The following IQCH variants were observed in gnomAD, a reference collection of about 807,000 sequenced individuals.
IQCH encodes the protein IQ motif containing H, also known as IQ domain-containing protein H.
IQCH carries 98 observed loss-of-function variants against 117.0 expected under a neutral mutation model. The observed-to-expected ratio is 0.84, with a 90% confidence interval of 0.71 to 0.99. IQCH has a LOEUF of 0.99. Ranked by LOEUF, IQCH falls within the 50% of genes least tolerant of loss-of-function variation. IQCH has a pLI of 0.00. For missense variants in IQCH, 1,102 were observed against 1,243.8 expected (o/e 0.89, Z 1.72); for synonymous variants, 412 against 448.2 (o/e 0.92, Z 1.02).
rs562245515 is a variant in IQCH, at chr15:67,501,271, C to T, written c.*525C>T. On this transcript the variant is annotated 3_prime_UTR_variant, in exon 21 of 21. Coordinates refer to ENST00000335894, the MANE Select transcript of IQCH (RefSeq NM_001031715.3). This position sits in a 1 kb window ranked among gnomAD's most constrained non-coding sequence, Gnocchi z 5.2. Reference sequence around the variant, plus strand: ...GAATTTTTAAGTGACTATCATTCATCGTGTTTTTGTTATACCAAGCCACTA... The same window carrying T: ...GAATTTTTAAGTGACTATCATTCATTGTGTTTTTGTTATACCAAGCCACTA... 1 of 152,104 alleles carries T rather than the reference C, an allele frequency of 6.6e-6. No homozygotes were observed. The highest frequency in any genetic ancestry group is 6.6e-5 in the Admixed American group (1 of 15,262). The allele number at this position is 152,104 out of a possible 1,614,324, so 9.4% of individuals were successfully genotyped here.
intron 14 of IQCH, among the ~76,000 whole-genome samples, chr15:67,412,599 A>G (rs1006567982): frequency 6.6e-6 from 1 of 151,932 alleles, no homozygotes; most frequent in Non-Finnish European, 1.5e-5. Context: ...GGGTTTCACC[A>G]TGTTGGTCAA....
rs149358450 is a variant in IQCH at position 67,346,172 on chromosome 15, G to A, written c.637+1981G>A. On this transcript the variant is annotated intron_variant, in intron 6 of 20. Coordinates refer to ENST00000335894, the MANE Select transcript of IQCH (RefSeq NM_001031715.3). Reference sequence around the variant, plus strand: ...TAAAGAGGCACATTAATGATAAAAGGATCAATCCAGCAAGAAGACATACAT... The same window carrying A: ...TAAAGAGGCACATTAATGATAAAAGAATCAATCCAGCAAGAAGACATACAT... 8.7e-3 allele frequency among the ~76,000 whole-genome samples: 1,326 copies of A among 152,174 alleles called. 17 individuals are homozygous for A. The highest frequency in any genetic ancestry group is 0.029 in the African/African-American group (1,200 of 41,524).
At chr15:67,495,702 T>C (rs2083786711) in intron 20 of IQCH, among the ~76,000 whole-genome samples, 1 of 152,232 alleles carries the variant, frequency 6.6e-6, no homozygotes, top group Admixed American at 6.5e-5. Context: ...GTCAACCACC[T>C]TTGACAAAAT....
chr15:67,305,682 A>G (rs1206974813), intron 4 of IQCH, among the ~76,000 whole-genome samples: 1 of 152,096 alleles, frequency 6.6e-6, no homozygotes, highest in African/African-American at 2.4e-5. Flanking sequence ...TTGTAGCCCG[A>G]GGCAACTGCT....
intron 17 of IQCH, among the ~76,000 whole-genome samples, chr15:67,470,302 C>T (rs544791416): frequency 4.6e-5 from 7 of 152,266 alleles, no homozygotes; most frequent in East Asian, 1.9e-4. Flanking sequence ...CTCAGCCTCC[C>T]GAGTAGCTGG....
At position 67,472,368 on chromosome 15, in the gene IQCH, G is replaced by A. The variant is rs913415720; in HGVS notation, c.2677-3328G>A. Among the ~76,000 whole-genome samples, 4 of 152,130 alleles carry A rather than the reference G, an allele frequency of 2.6e-5. No individual in the cohort carries two copies. Among genetic ancestry groups the A allele is most frequent in the African/African-American group, 4.8e-5 (2 of 41,426 alleles). Reference sequence around the variant, plus strand: ...GGGGAGGTCTACCCACCACACCAGGGTCTAGATTTCACCGTGAAGGCAAAA... The same window carrying A: ...GGGGAGGTCTACCCACCACACCAGGATCTAGATTTCACCGTGAAGGCAAAA... On this transcript the variant is annotated intron_variant, in intron 17 of 20. Coordinates refer to ENST00000335894, the MANE Select transcript of IQCH (RefSeq NM_001031715.3). This position sits in a 1 kb window ranked among gnomAD's most constrained non-coding sequence, Gnocchi z 4.3.
intron 4 of IQCH, among the ~76,000 whole-genome samples, chr15:67,295,517 C>T (rs1292922157): frequency 6.6e-6 from 1 of 152,084 alleles, no homozygotes; most frequent in Non-Finnish European, 1.5e-5. Context: ...TATCTAGCAG[C>T]CATCTTAGAC....
intron 6 of IQCH, 57 bp from the exon 7 acceptor site, chr15:67,357,288 A>T (rs1596249797): frequency 8.4e-7 from 1 of 1,184,282 alleles, no homozygotes; most frequent in African/African-American, 1.5e-5. Flanking sequence ...ATAGCATCCA[A>T]CCAGTGACTC....
At position 67,388,507 on chromosome 15, in the gene IQCH, A is replaced by C. The variant is rs1433765730; in HGVS notation, c.1457-324A>C. Among the ~76,000 whole-genome samples the C allele has an allele frequency of 6.6e-6, 1 of 152,240 alleles. No individual in the cohort carries two copies. The highest frequency in any genetic ancestry group is 6.5e-5 in the Admixed American group (1 of 15,284). On this transcript the variant is annotated intron_variant, in intron 11 of 20. Coordinates refer to ENST00000335894, the MANE Select transcript of IQCH (RefSeq NM_001031715.3). This position sits in a 1 kb window ranked among gnomAD's most constrained non-coding sequence, Gnocchi z 5.5. ...ATTTTTAAAGCAGTATGTGATTCCC[A>C]TTGATGTTAATGGGAGTTGTGTGGC... is the stretch of plus-strand genomic sequence containing the variant.
In IQCH at chr15:67,481,979, C is replaced by T. The variant is rs1418833644; in HGVS notation, c.2799+6161C>T. On this transcript the variant is annotated intron_variant, in intron 18 of 20. Coordinates refer to ENST00000335894, the MANE Select transcript of IQCH (RefSeq NM_001031715.3). This position sits in a 1 kb window ranked among gnomAD's most constrained non-coding sequence, Gnocchi z 4.1. ...TTGTGCCTGTAATCCTAGCTGCTCA[C>T]GAGGTTGAGGCAGGAGGACCGCTCA... Among the ~76,000 whole-genome samples, 2 of 152,160 alleles carry T rather than the reference C, an allele frequency of 1.3e-5. No individual in the cohort carries two copies. Among genetic ancestry groups the T allele is most frequent in the Non-Finnish European group, 2.9e-5 (2 of 68,032 alleles).
At chr15:67,470,407 T>C (rs976793175) in intron 17 of IQCH, among the ~76,000 whole-genome samples, 5 of 152,200 alleles carry the variant, frequency 3.3e-5, no homozygotes, top group African/African-American at 4.8e-5. Flanking sequence ...CTCGATCTCC[T>C]GACCTCATGA....
At position 67,463,037 on chromosome 15, in the gene IQCH, G is replaced by A. The variant is rs985528923; in HGVS notation, c.2506-2090G>A. ...TGAAATTAGCTTTAGTTTAGCAAGG[G>A]GCCTTGACAGCTTGACCTCTTAATA... On this transcript the variant is annotated intron_variant, in intron 16 of 20. Transcript: ENST00000335894. The surrounding 1 kb of genome is among the most constrained non-coding windows in gnomAD (Gnocchi z 4.0). Among the ~76,000 whole-genome samples the A allele has an allele frequency of 6.6e-6, 1 of 152,090 alleles. No individual in the cohort carries two copies. The highest frequency in any genetic ancestry group is 6.6e-5 in the Admixed American group (1 of 15,264).
At chr15:67,468,361 G>T (rs1371360526) in intron 17 of IQCH, among the ~76,000 whole-genome samples, 1 of 152,196 alleles carries the variant, frequency 6.6e-6, no homozygotes, top group East Asian at 1.9e-4. Context: ...TCTGTCTCCT[G>T]TAATTTATTA....
chr15:67,293,745 T>A (rs112938238), intron 4 of IQCH, among the ~76,000 whole-genome samples: 1 of 152,156 alleles, frequency 6.6e-6, no homozygotes, highest in African/African-American at 2.4e-5. Flanking sequence ...TAAGGTGACA[T>A]GTGAGCACAA....
intron 4 of IQCH, among the ~76,000 whole-genome samples, chr15:67,296,108 A>G (rs754131589): frequency 6.6e-6 from 1 of 152,240 alleles, no homozygotes; most frequent in Non-Finnish European, 1.5e-5. Flanking sequence ...TCAAGAAAGT[A>G]AGATCCACAT....
At chr15:67,363,591 A>G (rs1970227811) in intron 8 of IQCH, among the ~76,000 whole-genome samples, 1 of 151,986 alleles carries the variant, frequency 6.6e-6, no homozygotes, top group African/African-American at 2.4e-5. Context: ...ACATTTGCAG[A>G]TTTGTTACAT....
At chr15:67,464,750 G>A (rs2082888202) in intron 16 of IQCH, among the ~76,000 whole-genome samples, 1 of 152,136 alleles carries the variant, frequency 6.6e-6, no homozygotes, top group African/African-American at 2.4e-5. Context: ...CTGCTCTACT[G>A]TAGTTCCCCA....
At position 67,404,008 on chromosome 15, in the gene IQCH, T is replaced by C; in HGVS notation, c.2097+3703T>C. 1 of 152,228 alleles carries C rather than the reference T, an allele frequency of 6.6e-6. No homozygotes were observed. The highest frequency in any genetic ancestry group is 1.5e-5 in the Non-Finnish European group (1 of 68,044). 9.4% of individuals were successfully genotyped at this position (152,228 alleles called of 1,614,324 possible). On this transcript the variant is annotated intron_variant, in intron 14 of 20. Coordinates refer to ENST00000335894, the MANE Select transcript of IQCH (RefSeq NM_001031715.3). The surrounding 1 kb of genome is among the most constrained non-coding windows in gnomAD (Gnocchi z 4.6). The stretch of plus-strand genomic sequence containing the variant: ...GGTCTTGGCATTACTATTTTACCAC[T>C]TAATGAGAAATAGGAAATTGAACTG...
rs556599087 is a variant in IQCH, at chr15:67,474,148, C to T, written c.2677-1548C>T. 1.3e-5 allele frequency among the ~76,000 whole-genome samples: 2 copies of T among 151,528 alleles called. No homozygotes were observed. The highest frequency in any genetic ancestry group is 4.9e-5 in the African/African-American group (2 of 41,192). ...CAGGAGAGGAAAGGAGGTCTATTCT[C>T]TGCAGAGCACTCAGTCAGCCCCAGT... On this transcript the variant is annotated intron_variant, in intron 17 of 20. Transcript: ENST00000335894. This position sits in a 1 kb window ranked among gnomAD's most constrained non-coding sequence, Gnocchi z 4.1.
Sources: gnomAD v4.1 joint callset for allele counts (sites outside exome capture counted in the v4.1 genomes callset) on GRCh38, gnomAD v4.1.1 for gene constraint, Gnocchi (gnomAD v3.1) non-coding constraint, MANE v1.5 for transcripts, NCBI Gene and HGNC (gene_info 2026-07-23, HGNC 2026-07-21) for gene names.